STK39: variants seen among roughly 807,000 people sequenced by gnomAD.
STK39 encodes the protein serine/threonine kinase 39, also known as STE20/SPS1-related proline-alanine-rich protein kinase.
Under a neutral mutation model 77.8 loss-of-function variants are expected in STK39, and 20 were observed. The observed-to-expected ratio is 0.26, with a 90% CI of 0.18 to 0.37. STK39 has a LOEUF of 0.37. Among genes scored for constraint, STK39 ranks in the 10% least tolerant of loss-of-function variants. The pLI, the probability that STK39 is intolerant of heterozygous loss-of-function variation, is 1.00. For synonymous variants in STK39, 246 were observed against 234.1 expected, an observed-to-expected ratio of 1.05 and a Z score of -0.47; for missense variants, 479 against 656.5, an observed-to-expected ratio of 0.73 and a Z score of 2.95.
intron 10 of STK39, among the ~76,000 whole-genome samples, chr2:168,104,177 A>G (rs1457460482): frequency 6.6e-6 from 1 of 152,206 alleles, no homozygotes; most frequent in African/African-American, 2.4e-5. Context: ...GTAATGAAAC[A>G]CTAAGAGTAA....
chr2:168,155,378 G>A (rs1436633644), intron 5 of STK39, among the ~76,000 whole-genome samples: 1 of 152,114 alleles, frequency 6.6e-6, no homozygotes, highest in East Asian at 1.9e-4. Flanking sequence ...CTTATCAAAT[G>A]TTACCATTTG....
At chr2:168,214,417 C>T (rs1689973805) in intron 1 of STK39, among the ~76,000 whole-genome samples, 1 of 152,226 alleles carries the variant, frequency 6.6e-6, no homozygotes, top group Admixed American at 6.5e-5. Context: ...AAATCACATA[C>T]TGTTTAATTC....
intron 1 of STK39, among the ~76,000 whole-genome samples, chr2:168,225,692 C>T (rs1442136919): frequency 6.6e-6 from 1 of 152,134 alleles, no homozygotes; most frequent in African/African-American, 2.4e-5. Flanking sequence ...TATATTTTAA[C>T]AAAGAAAGTA....
intron 2 of STK39, among the ~76,000 whole-genome samples, chr2:168,169,631 C>CATGTGTGTGTGTGT (rs145116864): frequency 6.9e-6 from 1 of 145,934 alleles, no homozygotes; most frequent in African/African-American, 2.5e-5. Flanking sequence ...TTGCAGTGAG[C>CATGTGTGTGTGTGT]GTGTGTGTGT....
chr2:168,221,815 G>A (rs1000881895), intron 1 of STK39, among the ~76,000 whole-genome samples: 10 of 148,078 alleles, frequency 6.8e-5, no homozygotes, highest in Admixed American at 1.3e-4. Flanking sequence ...AACAAAGACC[G>A]AATAAAGAGA....
intron 10 of STK39, among the ~76,000 whole-genome samples, chr2:168,120,326 G>GT (rs1204829973): frequency 1.3e-5 from 2 of 152,096 alleles, no homozygotes; most frequent in African/African-American, 4.8e-5. Context: ...CCCTTCACAT[G>GT]TCCCCCATCT....
chr2:167,987,365 T>A (rs1052944304), intron 16 of STK39, among the ~76,000 whole-genome samples: 1 of 152,132 alleles, frequency 6.6e-6, no homozygotes, highest in South Asian at 2.1e-4. Flanking sequence ...TTTTTAAAAC[T>A]CTGTGATAGC....
chr2:168,076,432 G>A (rs1204230655), intron 10 of STK39, among the ~76,000 whole-genome samples: 1 of 152,170 alleles, frequency 6.6e-6, no homozygotes, highest in Non-Finnish European at 1.5e-5. Flanking sequence ...TTGCATCACA[G>A]GAGCTTCAGT....
intron 15 of STK39, among the ~76,000 whole-genome samples, chr2:168,014,485 AAAAT>A (rs1231019579): frequency 6.6e-6 from 1 of 151,996 alleles, no homozygotes; most frequent in Non-Finnish European, 1.5e-5. Flanking sequence ...AGAAAAGAAA[AAAAT>A]AAAAAAAAAA....
intron 10 of STK39, among the ~76,000 whole-genome samples, chr2:168,114,800 A>G (rs1687216632): frequency 6.6e-6 from 1 of 152,076 alleles, no homozygotes; most frequent in Admixed American, 6.6e-5. Context: ...CTACAACCAG[A>G]AGCCAGGGGA....
At chr2:168,051,017 C>G (rs888387829) in intron 14 of STK39, among the ~76,000 whole-genome samples, 4 of 152,174 alleles carry the variant, frequency 2.6e-5, no homozygotes, top group African/African-American at 9.7e-5. Context: ...AAGAAAGTCC[C>G]CAAACTGAAA....
At chr2:168,210,811 C>T (rs755463792) in intron 1 of STK39, among the ~76,000 whole-genome samples, 1 of 152,176 alleles carries the variant, frequency 6.6e-6, no homozygotes, top group Non-Finnish European at 1.5e-5. Context: ...TGAGCCACTG[C>T]GCCCAGCCTC....
intron 16 of STK39, among the ~76,000 whole-genome samples, chr2:167,973,467 C>A (rs1683174090): frequency 6.6e-6 from 1 of 152,180 alleles, no homozygotes; most frequent in Non-Finnish European, 1.5e-5. Context: ...ATAGTAAATT[C>A]TTGTCCTAAA....
intron 15 of STK39, among the ~76,000 whole-genome samples, chr2:168,013,136 C>T (rs1030068503): frequency 6.6e-6 from 1 of 152,182 alleles, no homozygotes; most frequent in Non-Finnish European, 1.5e-5. Flanking sequence ...TCTGATATAA[C>T]CTTGTATTTT....
rs1691736809 is a variant in STK39 at position 167,955,449 on chromosome 2, G to C, written c.*47C>G. 1 of 1,580,886 alleles carries C rather than the reference G, an allele frequency of 6.3e-7. No homozygotes were observed. The highest frequency in any genetic ancestry group is 8.7e-7 in the Non-Finnish European group (1 of 1,152,420). ...AAGAGGGAGGGTTGAAGGGAGTAGG[G>C]GTGGCGGTGGGGCATGACAGATCAG... On this transcript the variant is annotated 3_prime_UTR_variant, in exon 18 of 18. Transcript: ENST00000355999.
At position 168,044,207 on chromosome 2, in the gene STK39, C is replaced by T. The variant is rs150670414; in HGVS notation, c.1376+19293G>A. On this transcript the variant is annotated intron_variant, in intron 14 of 17. Coordinates refer to ENST00000355999, the MANE Select transcript of STK39 (RefSeq NM_013233.3). ...CCTTGCAATACTGTTGAGTATATCA[C>T]GGGTATTGTCACTTTAACAGCAGAG... Among the ~76,000 whole-genome samples, 857 of 152,204 alleles carry T rather than the reference C, an allele frequency of 5.6e-3. 6 individuals are homozygous for T. Among genetic ancestry groups the T allele is most frequent in the Non-Finnish European group, 9.6e-3 (656 of 68,020 alleles).
intron 16 of STK39, among the ~76,000 whole-genome samples, chr2:167,994,547 T>C (rs1006026283): frequency 6.6e-6 from 1 of 152,120 alleles, no homozygotes; most frequent in African/African-American, 2.4e-5. Context: ...TTCTAAAAGA[T>C]TTTCATCACC....
intron 5 of STK39, among the ~76,000 whole-genome samples, chr2:168,154,129 T>C (rs1424781050): frequency 6.6e-6 from 1 of 152,160 alleles, no homozygotes; most frequent in Admixed American, 6.5e-5. Context: ...ACATATTGGA[T>C]AGGATGTAGG....
At chr2:167,999,184 C>T (rs911608438) in intron 16 of STK39, among the ~76,000 whole-genome samples, 1 of 152,226 alleles carries the variant, frequency 6.6e-6, no homozygotes, top group Admixed American at 6.5e-5. Flanking sequence ...CTACACATGC[C>T]TATCTACGAC....
Sources: allele counts gnomAD v4.1 joint callset (sites outside exome capture counted in the v4.1 genomes callset), GRCh38; gene constraint gnomAD v4.1.1; transcripts MANE v1.5; gene names NCBI Gene and HGNC (gene_info 2026-07-23, HGNC 2026-07-21).